Variants in CRYBG1 observed in about 807,000 individuals in gnomAD.
CRYBG1 encodes crystallin beta-gamma domain containing 1.
A neutral mutation model predicts 189.2 loss-of-function variants in CRYBG1; 139 were observed. That is an observed-to-expected ratio of 0.73 (90% CI 0.64 to 0.85). The LOEUF is 0.85. Among genes scored for constraint, CRYBG1 ranks in the 40% least tolerant of loss-of-function variants. The pLI is 0.00. For synonymous variants in CRYBG1, 1,023 were observed against 1,017.1 expected, an observed-to-expected ratio of 1.01 and a Z score of -0.11; for missense variants, 2,611 against 2,675.8, an observed-to-expected ratio of 0.98 and a Z score of 0.53.
At chr6:106,521,711 CT>C (rs397976859) in intron 4 of CRYBG1, among the ~76,000 whole-genome samples, 21 of 72,186 alleles carry the variant, frequency 2.9e-4, no homozygotes, top group East Asian at 9.8e-4. Flanking sequence ...GGCACATGAT[CT>C]TTTTTTTTTT....
At chr6:106,452,413 G>A (rs1463916377) in intron 2 of CRYBG1, among the ~76,000 whole-genome samples, 5 of 108,366 alleles carry the variant, frequency 4.6e-5, no homozygotes, top group Admixed American at 1.9e-4. Flanking sequence ...GACAGAGTGA[G>A]ACTGTCTCAA....
chr6:106,501,254 A>G lies in CRYBG1; in HGVS notation c.313-10176A>G, dbSNP rs113112039. Among the ~76,000 whole-genome samples, 605 of 152,364 alleles carry G rather than the reference A, an allele frequency of 4.0e-3. 4 individuals carry two copies. Among genetic ancestry groups the G allele is most frequent in the Middle Eastern group, 0.037 (11 of 294 alleles). ...ATAGAAAGTGAGGGTGCTGTTTTAC[A>G]TAGGGTGATTCAAAAGTGTTCACCC... On this transcript the variant is annotated intron_variant, in intron 2 of 21. Coordinates refer to ENST00000633556, the MANE Select transcript of CRYBG1 (RefSeq NM_001371242.2).
chr6:106,496,358 C>T (rs1772851568), intron 2 of CRYBG1, among the ~76,000 whole-genome samples: 1 of 152,166 alleles, frequency 6.6e-6, no homozygotes, highest in African/African-American at 2.4e-5. Context: ...ATACTTAACA[C>T]TTTCCTTATC....
At chr6:106,472,233 G>A (rs1034395208) in intron 2 of CRYBG1, among the ~76,000 whole-genome samples, 1 of 152,106 alleles carries the variant, frequency 6.6e-6, no homozygotes, top group Admixed American at 6.6e-5. Flanking sequence ...TTTTTCCTAA[G>A]TTAAATCTGA....
chr6:106,370,979 TA>T lies in CRYBG1; in HGVS notation c.173+9900del, dbSNP rs1479371202. 3.3e-5 allele frequency among the ~76,000 whole-genome samples: 5 copies of T among 152,192 alleles called. No homozygotes were observed. In the South Asian group the frequency reaches 8.3e-4, roughly 25 times the overall value. On this transcript the variant is annotated intron_variant, in intron 1 of 21. Coordinates refer to ENST00000633556, the MANE Select transcript of CRYBG1 (RefSeq NM_001371242.2). ...CTGGATAATTTCTGGGTTTCTACTA[TA>T]ATTAGTACCTCACCTACTACCTAAA...
At chr6:106,545,545 C>T (rs1774248530) in intron 13 of CRYBG1, among the ~76,000 whole-genome samples, 1 of 152,246 alleles carries the variant, frequency 6.6e-6, no homozygotes, top group African/African-American at 2.4e-5. Flanking sequence ...TTGCTTCAGG[C>T]ATGCCTAGAT....
chr6:106,525,214 A>G (rs1227785301), intron 5 of CRYBG1, 34 bp downstream of exon 5: 2 of 1,613,950 alleles, frequency 1.2e-6, no homozygotes, highest in South Asian at 2.2e-5. Context: ...TCTTGATTCT[A>G]TTTTGGTCTG....
intron 15 of CRYBG1, 67 bp from the exon 16 acceptor site, chr6:106,553,388 T>A: frequency 9.1e-7 from 1 of 1,099,690 alleles, no homozygotes. Context: ...GGTCATCATT[T>A]CAAAGGCTAA....
intron 1 of CRYBG1, among the ~76,000 whole-genome samples, chr6:106,361,977 T>TC (rs1771881537): frequency 4.8e-5 from 1 of 20,920 alleles, no homozygotes; most frequent in Non-Finnish European, 9.3e-5. Context: ...TTCTTTTTTT[T>TC]TTTTTTTTTC....
chr6:106,510,189 C>A (rs1773217162), intron 2 of CRYBG1, among the ~76,000 whole-genome samples: 1 of 152,198 alleles, frequency 6.6e-6, no homozygotes, highest in South Asian at 2.1e-4. Context: ...AATACAGTAG[C>A]CGCACGTTTG....
At chr6:106,394,388 T>C (rs559221680) in intron 1 of CRYBG1, among the ~76,000 whole-genome samples, 39 of 152,380 alleles carry the variant, frequency 2.6e-4, no homozygotes, top group African/African-American at 7.9e-4. Context: ...TTCTGCGTCA[T>C]GTTCATTTCC....
At chr6:106,410,174 C>T (rs971730499) in intron 1 of CRYBG1, among the ~76,000 whole-genome samples, 1 of 151,988 alleles carries the variant, frequency 6.6e-6, no homozygotes, top group Admixed American at 6.6e-5. Context: ...AACAAATTCA[C>T]AAGAAAAAAA....
At chr6:106,482,983 T>C (rs1772501469) in intron 2 of CRYBG1, among the ~76,000 whole-genome samples, 2 of 152,178 alleles carry the variant, frequency 1.3e-5, no homozygotes, top group South Asian at 4.1e-4. Context: ...ATCATTTCTT[T>C]GTGGTGAGAA....
At chr6:106,441,348 G>A (rs1024196945) in intron 1 of CRYBG1, among the ~76,000 whole-genome samples, 1 of 152,102 alleles carries the variant, frequency 6.6e-6, no homozygotes, top group African/African-American at 2.4e-5. Flanking sequence ...TAGATGGAGA[G>A]CAGGGATACT....
chr6:106,541,860 G>A (rs17067225), intron 10 of CRYBG1, among the ~76,000 whole-genome samples: 7,020 of 152,158 alleles, frequency 0.046, 201 homozygotes, highest in South Asian at 0.081. Flanking sequence ...AGTACATTTA[G>A]CCATGGCTCA....
chr6:106,383,820 G>A (rs888836468), intron 1 of CRYBG1, among the ~76,000 whole-genome samples: 3 of 152,188 alleles, frequency 2.0e-5, no homozygotes, highest in South Asian at 2.1e-4. Context: ...GTGTTCCAAT[G>A]TGAATACACT....
chr6:106,540,011 C>A (rs1487554920), intron 9 of CRYBG1, among the ~76,000 whole-genome samples: 1 of 151,948 alleles, frequency 6.6e-6, no homozygotes, highest in African/African-American at 2.4e-5. Context: ...TAGGGTGCAG[C>A]CTGAGAGAGA....
intron 2 of CRYBG1, among the ~76,000 whole-genome samples, chr6:106,484,114 T>C (rs559504257): frequency 2.6e-5 from 4 of 152,220 alleles, no homozygotes; most frequent in South Asian, 2.1e-4. Flanking sequence ...TTTTTCCAAA[T>C]GTGTGTTCTT....
intron 1 of CRYBG1, among the ~76,000 whole-genome samples, chr6:106,443,129 A>G (rs1189740641): frequency 6.6e-6 from 1 of 152,236 alleles, no homozygotes; most frequent in Admixed American, 6.5e-5. Context: ...GGAATGCACA[A>G]GAGTAGATGG....
Sources: allele counts gnomAD v4.1 joint callset (sites outside exome capture counted in the v4.1 genomes callset), GRCh38; gene constraint gnomAD v4.1.1; transcripts MANE v1.5; gene names NCBI Gene and HGNC (gene_info 2026-07-23, HGNC 2026-07-21).